The following CHD5 variants were observed in gnomAD, a reference collection of about 807,000 sequenced individuals.
The protein encoded by CHD5 is chromodomain helicase DNA binding protein 5.
Under a neutral mutation model 230.3 loss-of-function variants are expected in CHD5, and 69 were observed. The observed-to-expected ratio is 0.30, with a 90% CI of 0.25 to 0.37. The LOEUF is 0.37. CHD5 is among the 10% of genes least tolerant of loss of function. The probability of loss-of-function intolerance (pLI) is 1.00; values close to 1 mark genes in which losing one functional copy is unlikely to be tolerated. For missense variants in CHD5, 1,827 were observed against 2,622.8 expected, an observed-to-expected ratio of 0.70 and a Z score of 6.63; for synonymous variants, 1,064 against 1,065.9, an observed-to-expected ratio of 1.00 and a Z score of 0.03.
At chr1:6,160,914 G>A (rs915385458) in intron 2 of CHD5, among the ~76,000 whole-genome samples, 2 of 152,208 alleles carry the variant, frequency 1.3e-5, no homozygotes, top group African/African-American at 2.4e-5. Flanking sequence ...AAGTCAACTG[G>A]CGAAGCCCTC....
At chr1:6,179,527 G>A (rs1381098606) in intron 1 of CHD5, among the ~76,000 whole-genome samples, 1 of 151,856 alleles carries the variant, frequency 6.6e-6, no homozygotes, top group East Asian at 1.9e-4. Flanking sequence ...GGTCCCGCCT[G>A]CCCGCAGCGA....
At chr1:6,161,766 T>C (rs4908836) in intron 2 of CHD5, among the ~76,000 whole-genome samples, 52,142 of 152,084 alleles carry the variant, frequency 0.34, 13,029 homozygotes, top group East Asian at 0.69. Context: ...ACGCTCTCCC[T>C]GAGCCCTCAC....
rs887737445 is a variant in CHD5 at position 6,154,246 on chromosome 1, G to A, written c.745+414C>T. On this transcript the variant is annotated intron_variant, in intron 5 of 41. Transcript: ENST00000262450. The surrounding 1 kb of genome is among the most constrained non-coding windows in gnomAD (Gnocchi z 7.0). ...CAAGAAGAAGAGACGGGCTCGACTG[G>A]GGCCTCCTCCTCCTCCCCAGAAACG... Among the ~76,000 whole-genome samples, 1 of 152,072 alleles carries A rather than the reference G, an allele frequency of 6.6e-6. No individual in the cohort carries two copies. The highest frequency in any genetic ancestry group is 2.4e-5 in the African/African-American group (1 of 41,414).
chr1:6,107,310 G>A (rs1278140496), intron 38 of CHD5, among the ~76,000 whole-genome samples: 1 of 142,848 alleles, frequency 7.0e-6, no homozygotes, highest in South Asian at 2.4e-4. Flanking sequence ...GAGATGGAGG[G>A]ATGATGAAAG....
At position 6,136,579 on chromosome 1, in the gene CHD5, G is replaced by C. The variant is rs1481206427; in HGVS notation, c.2634C>G (p.Pro878=). The change falls in exon 17 of 42, where the codon CCC becomes CCG. Residue 878 remains proline, a synonymous_variant. Transcript: ENST00000262450. ...ACAGCTCCTCCAGGTTGTTCTGAAGGGGGGTCCCTGTCAGCAGCAGCTTGT... is the reference window on the plus strand; with the variant it reads ...ACAGCTCCTCCAGGTTGTTCTGAAGCGGGGTCCCTGTCAGCAGCAGCTTGT... ...IDYKLLLTGT[P]LQNNLEELFH... 5 of 1,614,062 alleles carry C rather than the reference G, an allele frequency of 3.1e-6. No individual in the cohort carries two copies. Among genetic ancestry groups the C allele is most frequent in the Non-Finnish European group, 4.2e-6 (5 of 1,180,038 alleles).
Position 6,134,803 on chromosome 1 carries a change from C to G in CHD5, c.2927G>C (p.Gly976Ala), listed in dbSNP as rs1666714331. 1.2e-6 allele frequency: 2 copies of G among 1,613,966 alleles called. No homozygotes were observed. Among genetic ancestry groups the G allele is most frequent in the Non-Finnish European group, 1.7e-6 (2 of 1,179,976 alleles). The change falls in exon 19 of 42, where the codon GGC (glycine) becomes GCC (alanine). Residue 976 changes from glycine (G) to alanine (A), a missense_variant. Gly to Ala is a moderately conservative substitution (Grantham distance 60). Around this residue, in one of 14 missense-constraint regions of CHD5, gnomAD observed 16 missense variants for 18.2 expected, o/e 0.88. Transcript: ENST00000262450. This position sits in a 1 kb window ranked among gnomAD's most constrained non-coding sequence, Gnocchi z 6.3. ...GTTGAGCAGCGATACTTGGTTCCCG[C>G]CCCCCTTGGAGTTCAGTGCCTCAAA... The part of the protein sequence containing the change: ...RNFEALNSKG[G>A]GNQVSLLNIM...
intron 33 of CHD5, among the ~76,000 whole-genome samples, chr1:6,119,886 A>G (rs1459975307): frequency 6.9e-6 from 1 of 145,318 alleles, no homozygotes; most frequent in Non-Finnish European, 1.5e-5. Flanking sequence ...TCTGAGATTG[A>G]GTCCCTCTCT....
At chr1:6,110,075 G>T (rs529030396) in intron 37 of CHD5, 85 bp from the exon 38 acceptor site, 620 of 1,253,010 alleles carry the variant, frequency 4.9e-4, no homozygotes, top group Non-Finnish European at 5.9e-4. Flanking sequence ...CCAGGCCAAG[G>T]CTCCCGGCAG....
At position 6,134,691 on chromosome 1, in the gene CHD5, G is replaced by C; in HGVS notation, c.3012+27C>G. The stretch of plus-strand genomic sequence containing the variant: ...CACCTACCATGGCGGTCATGGAGAA[G>C]CTGCCATGATGGCCGGGGAAACCTA... On this transcript the variant is annotated intron_variant, in intron 19 of 41. Transcript: ENST00000262450. The surrounding 1 kb of genome is among the most constrained non-coding windows in gnomAD (Gnocchi z 6.3). 6.2e-7 allele frequency: 1 copy of C among 1,612,632 alleles called. No homozygotes were observed. The highest frequency in any genetic ancestry group is 8.5e-7 in the Non-Finnish European group (1 of 1,178,750).
Position 6,155,464 on chromosome 1 carries a change from C to G in CHD5, c.506+135G>C. On this transcript the variant is annotated intron_variant, in intron 4 of 41. Coordinates refer to ENST00000262450, the MANE Select transcript of CHD5 (RefSeq NM_015557.3). This position sits in a 1 kb window ranked among gnomAD's most constrained non-coding sequence, Gnocchi z 4.0. ...GGGTCCTGCCCCCTCCCTCCAGCTC[C>G]CCCAGGTTGCTCAGTCGGTCTGACA... is the stretch of plus-strand genomic sequence containing the variant. 1.4e-6 allele frequency: 1 copy of G among 702,096 alleles called. No homozygotes were observed. The highest frequency in any genetic ancestry group is 2.5e-6 in the Non-Finnish European group (1 of 401,850). 43.5% of individuals were successfully genotyped at this position (702,096 alleles called of 1,614,324 possible).
Position 6,168,219 on chromosome 1 carries a change from G to A in CHD5, c.138C>T (p.Ser46=). ...FDDFFPVEPV[S]LPKKKKPKKL... is the part of the protein sequence containing the mutation. ...TCTTGGGTTTCTTCTTCTTAGGAAG[G>A]CTCACGGGCTCCACAGGGAAAAAGT... The change falls in exon 2 of 42, where the codon AGC becomes AGT. Residue 46 remains serine, a synonymous_variant. Transcript: ENST00000262450. The A allele has an allele frequency of 6.2e-7, 1 of 1,611,854 alleles. No individual in the cohort carries two copies. The highest frequency in any genetic ancestry group is 1.3e-5 in the African/African-American group (1 of 75,018).
In CHD5 at chr1:6,178,365, G is replaced by A. The variant is rs182866512; in HGVS notation, c.79+1580C>T. Among the ~76,000 whole-genome samples, 377 of 152,214 alleles carry A rather than the reference G, an allele frequency of 2.5e-3. 3 individuals carry two copies. The highest frequency in any genetic ancestry group is 8.5e-3 in the African/African-American group (353 of 41,520). ...GAGTGTAAGATGGGAAAGACAGCCA[G>A]GGGACTCCACCAGCGGGTCGGTGCA... On this transcript the variant is annotated intron_variant, in intron 1 of 41. Transcript: ENST00000262450.
chr1:6,146,539 A>G lies in CHD5; in HGVS notation c.1591-116T>C, dbSNP rs959327795. The G allele has an allele frequency of 6.8e-5, 94 of 1,387,640 alleles. No individual in the cohort carries two copies. Among genetic ancestry groups the G allele is most frequent in the Non-Finnish European group, 9.2e-5 (91 of 985,934 alleles). The allele number at this position is 1,387,640 out of a possible 1,614,324, so 86.0% of individuals were successfully genotyped here. ...CCCAGGCAGGACAATCCTCCCGCTC[A>G]GCACCACCCCAACTCCCAACAGCAC... On this transcript the variant is annotated intron_variant, in intron 10 of 41. Transcript: ENST00000262450. This position sits in a 1 kb window ranked among gnomAD's most constrained non-coding sequence, Gnocchi z 5.1.
chr1:6,163,558 G>C (rs1249040172), intron 2 of CHD5, among the ~76,000 whole-genome samples: 1 of 152,262 alleles, frequency 6.6e-6, no homozygotes, highest in African/African-American at 2.4e-5. Context: ...TGCAGAGAAA[G>C]CTGCAAATAG....
chr1:6,132,667 AT>A (rs1666676511), intron 20 of CHD5, among the ~76,000 whole-genome samples: 1 of 152,222 alleles, frequency 6.6e-6, no homozygotes, highest in African/African-American at 2.4e-5. Flanking sequence ...CCAGGTTCCA[AT>A]TTATCAATGT....
intron 7 of CHD5, among the ~76,000 whole-genome samples, chr1:6,150,006 T>G (rs1237967165): frequency 1.4e-5 from 1 of 72,012 alleles, no homozygotes; most frequent in African/African-American, 1.1e-4. Context: ...GACAAATGGA[T>G]GGATGGATGG....
Position 6,136,712 on chromosome 1 carries a change from G to A in CHD5, c.2574+16C>T, listed in dbSNP as rs191780149. 1,051 of 1,610,484 alleles carry A rather than the reference G, an allele frequency of 6.5e-4. 6 individuals carry two copies. The African/African-American group carries it at 0.012, about 18-fold the overall frequency. The stretch of plus-strand genomic sequence containing the variant: ...GCCCCGGGAAGCTCTGGGGTCTGGC[G>A]GCCAGCGCCACCTACCTTGGACTGG... On this transcript the variant is annotated intron_variant, in intron 16 of 41. Coordinates refer to ENST00000262450, the MANE Select transcript of CHD5 (RefSeq NM_015557.3).
intron 15 of CHD5, among the ~76,000 whole-genome samples, chr1:6,137,474 T>A (rs1240062267): frequency 1.3e-5 from 2 of 152,134 alleles, no homozygotes; most frequent in Non-Finnish European, 2.9e-5. Flanking sequence ...AGCTCAATTG[T>A]GTCCTTTATC....
rs372800748 is a variant in CHD5 at position 6,155,762 on chromosome 1, G to A, written c.388-45C>T. 1 of 1,458,106 alleles carries A rather than the reference G, an allele frequency of 6.9e-7. No homozygotes were observed. The highest frequency in any genetic ancestry group is 9.6e-7 in the Non-Finnish European group (1 of 1,039,878). The allele number at this position is 1,458,106 out of a possible 1,614,324, so 90.3% of individuals were successfully genotyped here. Reference sequence around the variant, plus strand: ...AGGTAGAGTTGTTGAGGGGCCTTCTGACCTGCACCCCCATCCCCAGGGTCT... The same window carrying A: ...AGGTAGAGTTGTTGAGGGGCCTTCTAACCTGCACCCCCATCCCCAGGGTCT... On this transcript the variant is annotated intron_variant, in intron 3 of 41. Coordinates refer to ENST00000262450, the MANE Select transcript of CHD5 (RefSeq NM_015557.3). This position sits in a 1 kb window ranked among gnomAD's most constrained non-coding sequence, Gnocchi z 4.0.
Sources: allele counts gnomAD v4.1 joint callset (sites outside exome capture counted in the v4.1 genomes callset), GRCh38; gene constraint gnomAD v4.1.1; regional missense constraint gnomAD v4.1.1; non-coding constraint Gnocchi (gnomAD v3.1); transcripts MANE v1.5; gene names NCBI Gene and HGNC (gene_info 2026-07-23, HGNC 2026-07-21).